The following FNTB variants were observed in gnomAD, a reference collection of about 807,000 sequenced individuals.
FNTB encodes the protein protein farnesyltransferase subunit beta.
A neutral mutation model predicts 59.4 loss-of-function variants in FNTB; 27 were observed. The ratio of observed to expected loss-of-function variants is 0.45; its 90% CI spans 0.34 to 0.63. The LOEUF (loss-of-function observed/expected upper bound fraction) is 0.63. FNTB is among the 20% of genes least tolerant of loss of function. FNTB has a pLI of 0.02. For missense variants in FNTB, 449 were observed against 559.6 expected (o/e 0.80, Z 1.99); for synonymous variants, 230 against 220.7 (o/e 1.04, Z -0.37).
intron 2 of FNTB, chr14:65,006,382 A>G (rs756788763): frequency 1.2e-5 from 18 of 1,525,520 alleles, no homozygotes; most frequent in African/African-American, 2.8e-5. Flanking sequence ...TCTGACCTCA[A>G]TAAAATGAAT....
intron 9 of FNTB, among the ~76,000 whole-genome samples, chr14:65,048,430 G>GCT (rs941046687): frequency 6.6e-6 from 1 of 152,104 alleles, no homozygotes; most frequent in Non-Finnish European, 1.5e-5. Context: ...CAAAAAGAAT[G>GCT]CTCTACATAG....
chr14:64,989,015 T>A (rs1297037093), intron 1 of FNTB, among the ~76,000 whole-genome samples: 1 of 152,134 alleles, frequency 6.6e-6, no homozygotes, highest in South Asian at 2.1e-4. Context: ...TTTAGAGACC[T>A]ACCACATTGG....
In FNTB at chr14:65,023,969, G is replaced by T. The variant is rs1041444083; in HGVS notation, c.375-3484G>T. Among the ~76,000 whole-genome samples the T allele has an allele frequency of 6.6e-6, 1 of 152,102 alleles. No homozygotes were observed. Among genetic ancestry groups the T allele is most frequent in the Non-Finnish European group, 1.5e-5 (1 of 68,020 alleles). On this transcript the variant is annotated intron_variant, in intron 4 of 11. Coordinates refer to ENST00000246166, the MANE Select transcript of FNTB (RefSeq NM_002028.4). The surrounding 1 kb of genome is among the most constrained non-coding windows in gnomAD (Gnocchi z 4.1). ...ATACAAAAATTAGCTGGGCGTGGCGGCATGCACCTGTAGTCCCAGCTACTC... is the reference window on the plus strand; with the variant it reads ...ATACAAAAATTAGCTGGGCGTGGCGTCATGCACCTGTAGTCCCAGCTACTC...
chr14:64,998,867 A>G (rs532264159), intron 1 of FNTB, among the ~76,000 whole-genome samples: 129 of 152,344 alleles, frequency 8.5e-4, no homozygotes, highest in African/African-American at 2.9e-3. Flanking sequence ...AATGGTTTCT[A>G]TGACTCATAG....
chr14:65,044,310 G>A lies in FNTB; in HGVS notation c.823-1G>A. On this transcript the variant is annotated splice_acceptor_variant, in intron 8 of 11. Coordinates refer to ENST00000246166, the MANE Select transcript of FNTB (RefSeq NM_002028.4). LOFTEE classifies it high-confidence loss of function. The surrounding 1 kb of genome is among the most constrained non-coding windows in gnomAD (Gnocchi z 5.5). ...TGCCTTTCCCATCTGTGTCTCCTCA[G>A]CAATGGGTGACAAGCCGGCAGATGC... 1 of 1,613,284 alleles carries A rather than the reference G, an allele frequency of 6.2e-7. No individual in the cohort carries two copies. The highest frequency in any genetic ancestry group is 8.5e-7 in the Non-Finnish European group (1 of 1,179,690).
At chr14:65,039,296 A>G (rs2062288625) in intron 7 of FNTB, among the ~76,000 whole-genome samples, 1 of 152,194 alleles carries the variant, frequency 6.6e-6, no homozygotes, top group Non-Finnish European at 1.5e-5. Context: ...ACACAGAGGA[A>G]TGGGGCTGGG....
intron 3 of FNTB, among the ~76,000 whole-genome samples, chr14:65,015,264 A>G (rs1462408329): frequency 6.6e-6 from 1 of 151,864 alleles, no homozygotes; most frequent in African/African-American, 2.4e-5. Context: ...CACTATGCCC[A>G]GCTAATTTTT....
At chr14:64,992,629 T>C (rs1227583359) in intron 1 of FNTB, among the ~76,000 whole-genome samples, 5 of 151,876 alleles carry the variant, frequency 3.3e-5, no homozygotes, top group Non-Finnish European at 7.4e-5. Context: ...ACATTAGACT[T>C]TTTTTTTAAG....
chr14:65,022,675 A>T lies in FNTB; in HGVS notation c.375-4778A>T, dbSNP rs529167390. Among the ~76,000 whole-genome samples, 22 of 142,792 alleles carry T rather than the reference A, an allele frequency of 1.5e-4. 1 individual carries two copies. Among genetic ancestry groups the T allele is most frequent in the Middle Eastern group, 3.6e-3 (1 of 276 alleles). The allele number at this position is 142,792 out of a possible 152,430, so 93.7% of individuals were successfully genotyped here. On this transcript the variant is annotated intron_variant, in intron 4 of 11. Transcript: ENST00000246166. ...AGCCACCACACCCAGCCAAATACTT[A>T]AAAAAAAAAAAAGTAGTCATTTTTA...
intron 4 of FNTB, among the ~76,000 whole-genome samples, chr14:65,026,461 C>T (rs978667440): frequency 3.3e-5 from 5 of 152,166 alleles, no homozygotes; most frequent in South Asian, 2.1e-4. Context: ...GGCATTCTCA[C>T]GGCGAGTCAG....
intron 4 of FNTB, among the ~76,000 whole-genome samples, chr14:65,022,807 GTTC>G (rs1217218342): frequency 2.0e-5 from 3 of 151,964 alleles, no homozygotes; most frequent in African/African-American, 7.3e-5. Context: ...TTTTATTGTT[GTTC>G]TTCACAACTC....
intron 1 of FNTB, among the ~76,000 whole-genome samples, chr14:65,002,312 A>G (rs187992999): frequency 6.2e-4 from 95 of 152,354 alleles, no homozygotes; most frequent in African/African-American, 1.9e-3. Flanking sequence ...CAGCAAGTCA[A>G]TACACCAAGG....
chr14:65,018,263 G>T (rs555827742), intron 4 of FNTB, among the ~76,000 whole-genome samples: 18 of 152,256 alleles, frequency 1.2e-4, no homozygotes, highest in Non-Finnish European at 2.5e-4. Flanking sequence ...TCAGGGGTTT[G>T]AGGCTGCAGT....
intron 2 of FNTB, among the ~76,000 whole-genome samples, chr14:65,008,245 C>T (rs2061626720): frequency 6.6e-6 from 1 of 152,256 alleles, no homozygotes; most frequent in South Asian, 2.1e-4. Context: ...CCCCTGTCCT[C>T]TCATCTGTCA....
In FNTB at chr14:65,007,592, T is replaced by C. The variant is rs923876858; in HGVS notation, c.209+3279T>C. ...CCCCTTCCCAGAAATGATTTTCTTC[T>C]CTAAGGTTGGGACTGTCTACCTGGA... On this transcript the variant is annotated intron_variant, in intron 2 of 11. Coordinates refer to ENST00000246166, the MANE Select transcript of FNTB (RefSeq NM_002028.4). This position sits in a 1 kb window ranked among gnomAD's most constrained non-coding sequence, Gnocchi z 4.9. Among the ~76,000 whole-genome samples the C allele has an allele frequency of 6.6e-6, 1 of 152,246 alleles. No individual in the cohort carries two copies. Among genetic ancestry groups the C allele is most frequent in the Non-Finnish European group, 1.5e-5 (1 of 68,044 alleles).
In FNTB at chr14:65,001,185, T is replaced by C. The variant is rs1888587563; in HGVS notation, c.145-3064T>C. On this transcript the variant is annotated intron_variant, in intron 1 of 11. Transcript: ENST00000246166. This position sits in a 1 kb window ranked among gnomAD's most constrained non-coding sequence, Gnocchi z 5.5. Reference sequence around the variant, plus strand: ...GTACTAGGAGGTATTATAAGTAATCTAGAGATGATTTAAAATACAGGCGTG... The same window carrying C: ...GTACTAGGAGGTATTATAAGTAATCCAGAGATGATTTAAAATACAGGCGTG... 6.6e-6 allele frequency among the ~76,000 whole-genome samples: 1 copy of C among 152,334 alleles called. No homozygotes were observed. Among genetic ancestry groups the C allele is most frequent in the African/African-American group, 2.4e-5 (1 of 41,568 alleles).
At chr14:65,022,396 A>G (rs544330612) in intron 4 of FNTB, among the ~76,000 whole-genome samples, 5 of 151,292 alleles carry the variant, frequency 3.3e-5, no homozygotes, top group Non-Finnish European at 7.4e-5. Context: ...GAAGTTTTTT[A>G]TGTAACCTAA....
chr14:65,027,361 G>GA lies in FNTB; in HGVS notation c.375-91dup. ...CCCCTCAACTTTTGAGGGAGTGGGGGATCATTGGAAAGGCCTGGAATCTAG... is the reference window on the plus strand; with the variant it reads ...CCCCTCAACTTTTGAGGGAGTGGGGGAATCATTGGAAAGGCCTGGAATCTAG... On this transcript the variant is annotated intron_variant, in intron 4 of 11. Transcript: ENST00000246166. The surrounding 1 kb of genome is among the most constrained non-coding windows in gnomAD (Gnocchi z 5.7). 1.3e-6 allele frequency: 2 copies of GA among 1,561,006 alleles called. No individual in the cohort carries two copies. The highest frequency in any genetic ancestry group is 1.8e-4 in the Middle Eastern group (1 of 5,654).
rs1315229092 is a variant in FNTB at position 65,061,355 on chromosome 14, G to A, written c.*43G>A. ...AGCTCTTTGCTCACCCATCTCCCCA[G>A]TCAGACAAGGTTTATACGTTTCAAT... On this transcript the variant is annotated 3_prime_UTR_variant, in exon 12 of 12. Transcript: ENST00000246166. 2.5e-6 allele frequency: 4 copies of A among 1,611,642 alleles called. No individual in the cohort carries two copies. Among genetic ancestry groups the A allele is most frequent in the Non-Finnish European group, 3.4e-6 (4 of 1,179,588 alleles).
Sources: gnomAD v4.1 joint callset for allele counts (sites outside exome capture counted in the v4.1 genomes callset) on GRCh38, gnomAD v4.1.1 for gene constraint, Gnocchi (gnomAD v3.1) non-coding constraint, MANE v1.5 for transcripts, NCBI Gene and HGNC (gene_info 2026-07-23, HGNC 2026-07-21) for gene names.